Variants in CACNA2D4 observed in about 807,000 individuals in gnomAD.
CACNA2D4 encodes calcium voltage-gated channel auxiliary subunit alpha2delta 4.
A neutral mutation model predicts 163.8 loss-of-function variants in CACNA2D4; 157 were observed. That is an observed-to-expected ratio of 0.96 (90% CI 0.84 to 1.09). The LOEUF is 1.09. CACNA2D4 is among the 50% of genes least tolerant of loss of function. The probability of loss-of-function intolerance (pLI) is 0.00; values close to 1 mark genes in which losing one functional copy is unlikely to be tolerated. For synonymous variants in CACNA2D4, 598 were observed against 586.9 expected, an observed-to-expected ratio of 1.02 and a Z score of -0.27; for missense variants, 1,410 against 1,479.9, an observed-to-expected ratio of 0.95 and a Z score of 0.78.
At chr12:1,916,023 G>A (rs1292519373) in intron 1 of CACNA2D4, among the ~76,000 whole-genome samples, 2 of 152,200 alleles carry the variant, frequency 1.3e-5, no homozygotes, top group Non-Finnish European at 2.9e-5. Flanking sequence ...CCCTGGGGAG[G>A]GAGATCTGAG....
chr12:1,912,085 ATGGGGG>A (rs1162252246), intron 3 of CACNA2D4, among the ~76,000 whole-genome samples: 2 of 152,138 alleles, frequency 1.3e-5, no homozygotes, highest in African/African-American at 4.8e-5. Flanking sequence ...GGGGGTTGTG[ATGGGGG>A]TGGGGGTACA....
intron 36 of CACNA2D4, 86 bp downstream of exon 36, chr12:1,795,581 TG>T (rs1592643782): frequency 9.8e-7 from 1 of 1,016,510 alleles, no homozygotes; most frequent in Non-Finnish European, 1.5e-6. Context: ...TGAAGGAGGC[TG>T]GCCCCGCTGC....
intron 36 of CACNA2D4, 26 bp from the exon 37 acceptor site, chr12:1,795,407 T>C: frequency 6.3e-7 from 1 of 1,598,562 alleles, no homozygotes; most frequent in Middle Eastern, 1.7e-4. Context: ...TTAAGGTCAA[T>C]ATCTCAGGAC....
At chr12:1,851,651 T>TGTGTGTGTG (rs1865281874) in intron 23 of CACNA2D4, among the ~76,000 whole-genome samples, 1 of 118,580 alleles carries the variant, frequency 8.4e-6, no homozygotes, top group Non-Finnish European at 1.6e-5. Context: ...TGGTGTGTGT[T>TGTGTGTGTG]TGTGTGTGTG....
At chr12:1,871,220 T>C (rs1865767915) in intron 18 of CACNA2D4, among the ~76,000 whole-genome samples, 1 of 149,652 alleles carries the variant, frequency 6.7e-6, no homozygotes, top group South Asian at 2.1e-4. Context: ...GTGCTTCTGG[T>C]ATGTGTGTGT....
intron 26 of CACNA2D4, among the ~76,000 whole-genome samples, chr12:1,815,943 G>A (rs763145773): frequency 6.6e-5 from 10 of 152,184 alleles, no homozygotes; most frequent in African/African-American, 1.2e-4. Context: ...GAGTAAAGGC[G>A]GTGAGGCACG....
intron 18 of CACNA2D4, among the ~76,000 whole-genome samples, chr12:1,865,734 T>C (rs977777227): frequency 2.0e-5 from 3 of 151,832 alleles, no homozygotes; most frequent in Non-Finnish European, 4.4e-5. Context: ...GGAGCCGGTG[T>C]GTGGGGAACC....
At chr12:1,816,550 AT>A (rs754790533) in intron 26 of CACNA2D4, among the ~76,000 whole-genome samples, 16 of 151,398 alleles carry the variant, frequency 1.1e-4, no homozygotes, top group Admixed American at 4.6e-4. Flanking sequence ...CTCCACATTG[AT>A]CTCGTGCCTT....
intron 1 of CACNA2D4, among the ~76,000 whole-genome samples, chr12:1,916,717 C>T (rs945690972): frequency 2.6e-5 from 4 of 152,154 alleles, no homozygotes; most frequent in Non-Finnish European, 5.9e-5. Context: ...GGTGACAAGG[C>T]CAGGAATGTC....
rs937975080 is a variant in CACNA2D4, at chr12:1,874,830, A to T, written c.1807-155T>A. On this transcript the variant is annotated intron_variant, in intron 17 of 37. Coordinates refer to ENST00000382722, the MANE Select transcript of CACNA2D4 (RefSeq NM_172364.5). The surrounding 1 kb of genome is among the most constrained non-coding windows in gnomAD (Gnocchi z 4.4). ...GATACCAGGAGGGAAGATGGACCTG[A>T]CTCTAAGCTCCATCTAGCTCATAAT... is the stretch of plus-strand genomic sequence containing the variant. 6.6e-6 allele frequency among the ~76,000 whole-genome samples: 1 copy of T among 152,014 alleles called. No homozygotes were observed. The highest frequency in any genetic ancestry group is 1.5e-5 in the Non-Finnish European group (1 of 67,996).
intron 36 of CACNA2D4, 58 bp from the exon 37 acceptor site, chr12:1,795,439 GA>G (rs1863088986): frequency 7.2e-6 from 11 of 1,517,946 alleles, no homozygotes; most frequent in Middle Eastern, 1.7e-4. Flanking sequence ...CTGCAGACTG[GA>G]AAAAGGTCTG....
At chr12:1,892,008 A>T (rs1351011873) in intron 6 of CACNA2D4, among the ~76,000 whole-genome samples, 1 of 152,258 alleles carries the variant, frequency 6.6e-6, no homozygotes, top group Non-Finnish European at 1.5e-5. Flanking sequence ...TCTATTTCAC[A>T]AAATACTAGC....
chr12:1,893,379 C>T (rs1866332077), intron 6 of CACNA2D4, among the ~76,000 whole-genome samples: 1 of 152,062 alleles, frequency 6.6e-6, no homozygotes, highest in Non-Finnish European at 1.5e-5. Flanking sequence ...ATTAGCCACA[C>T]ATGGTGGTGG....
At chr12:1,805,834 A>T (rs574310994) in intron 29 of CACNA2D4, among the ~76,000 whole-genome samples, 25 of 152,250 alleles carry the variant, frequency 1.6e-4, no homozygotes, top group Admixed American at 3.3e-4. Flanking sequence ...AGTGGAAAGG[A>T]TGGCAACACG....
chr12:1,807,310 T>A (rs1863572463), intron 29 of CACNA2D4, among the ~76,000 whole-genome samples: 1 of 151,426 alleles, frequency 6.6e-6, no homozygotes, highest in African/African-American at 2.4e-5. Context: ...CCTTCTCCAG[T>A]CAAGCCTGGA....
At chr12:1,809,415 G>A in intron 29 of CACNA2D4, 1 of 640,280 alleles carries the variant, frequency 1.6e-6, no homozygotes. Flanking sequence ...TAGTAGCAAA[G>A]CTCACACAGA....
At chr12:1,915,103 A>G in intron 1 of CACNA2D4, 168 bp from the exon 2 acceptor site, 1 of 707,182 alleles carries the variant, frequency 1.4e-6, no homozygotes, top group Non-Finnish European at 2.6e-6. Flanking sequence ...TAAGAAATGC[A>G]CACACACGTA....
intron 18 of CACNA2D4, among the ~76,000 whole-genome samples, chr12:1,870,828 G>A (rs1179919263): frequency 6.6e-6 from 1 of 152,126 alleles, no homozygotes; most frequent in Non-Finnish European, 1.5e-5. Context: ...ACGAGGCTGG[G>A]AGTAAAGAGG....
At chr12:1,858,428 C>A in intron 20 of CACNA2D4, 149 bp downstream of exon 20, 1 of 659,392 alleles carries the variant, frequency 1.5e-6, no homozygotes. Context: ...CCCCTCTCCA[C>A]CTGGCAGCAT....
Sources: allele counts gnomAD v4.1 joint callset (sites outside exome capture counted in the v4.1 genomes callset), GRCh38; gene constraint gnomAD v4.1.1; non-coding constraint Gnocchi (gnomAD v3.1); transcripts MANE v1.5; gene names NCBI Gene and HGNC (gene_info 2026-07-23, HGNC 2026-07-21).